SLIT3: variants seen among roughly 807,000 people sequenced by gnomAD.
SLIT3 encodes the protein slit guidance ligand 3.
In SLIT3, 68 loss-of-function variants were observed where a neutral mutation model predicts 184.0. That is an observed-to-expected ratio of 0.37 (90% CI 0.30 to 0.45). The LOEUF (loss-of-function observed/expected upper bound fraction) is 0.45. Among genes scored for constraint, SLIT3 ranks in the 20% least tolerant of loss-of-function variants. SLIT3 has a pLI of 1.00. For synonymous variants in SLIT3, 831 were observed against 828.6 expected (o/e 1.00, Z -0.05); for missense variants, 1,707 against 2,026.0 (o/e 0.84, Z 3.02).
intron 6 of SLIT3, among the ~76,000 whole-genome samples, chr5:168,841,317 G>A (rs2113707493): frequency 6.6e-6 from 1 of 152,350 alleles, no homozygotes; most frequent in South Asian, 2.1e-4. Context: ...AGGATGGCAA[G>A]AGCTAGTGCA....
At chr5:169,141,966 C>T (rs1761758294) in intron 4 of SLIT3, among the ~76,000 whole-genome samples, 1 of 150,964 alleles carries the variant, frequency 6.6e-6, no homozygotes, top group South Asian at 2.1e-4. Context: ...AGGAGAATAG[C>T]GTGAACCTGG....
At chr5:168,846,190 T>C (rs1758458295) in intron 5 of SLIT3, among the ~76,000 whole-genome samples, 1 of 152,218 alleles carries the variant, frequency 6.6e-6, no homozygotes, top group African/African-American at 2.4e-5. Context: ...TAATACATCA[T>C]CTCAATAGAT....
intron 4 of SLIT3, among the ~76,000 whole-genome samples, chr5:169,001,490 C>T (rs1755702118): frequency 6.6e-6 from 1 of 152,006 alleles, no homozygotes. Context: ...TTTTTTTTCC[C>T]TCCTTAAGTG....
chr5:168,952,528 C>CA (rs372134778), intron 4 of SLIT3, among the ~76,000 whole-genome samples: 4,693 of 77,606 alleles, frequency 0.06, 192 homozygotes, highest in African/African-American at 0.085. Context: ...GGGAAAATGC[C>CA]AAAAAAAAAA....
intron 10 of SLIT3, among the ~76,000 whole-genome samples, chr5:168,793,861 C>T (rs569001313): frequency 7.2e-4 from 109 of 152,058 alleles, no homozygotes; most frequent in Middle Eastern, 3.4e-3. Context: ...ATTAATGGCC[C>T]GAGGTTTTAA....
At chr5:168,935,124 C>T (rs1164168069) in intron 4 of SLIT3, among the ~76,000 whole-genome samples, 4 of 119,502 alleles carry the variant, frequency 3.3e-5, no homozygotes, top group Non-Finnish European at 6.6e-5. Context: ...GGTGACAGAG[C>T]AAGACTCCGT....
intron 4 of SLIT3, among the ~76,000 whole-genome samples, chr5:168,952,568 ATTT>A (rs1561570105): frequency 1.1e-5 from 1 of 94,408 alleles, no homozygotes. Context: ...AGGCAAAGGG[ATTT>A]AAAAAAAAAA....
At chr5:169,108,480 G>A (rs1040650565) in intron 4 of SLIT3, among the ~76,000 whole-genome samples, 2 of 152,206 alleles carry the variant, frequency 1.3e-5, no homozygotes, top group African/African-American at 4.8e-5. Flanking sequence ...AAGCTGGGTT[G>A]GAGGAAAGGT....
chr5:168,818,197 T>C (rs1757402608), intron 7 of SLIT3, among the ~76,000 whole-genome samples: 1 of 152,180 alleles, frequency 6.6e-6, no homozygotes, highest in Non-Finnish European at 1.5e-5. Context: ...GTATTTGCTA[T>C]TCTGACTGAT....
intron 9 of SLIT3, among the ~76,000 whole-genome samples, chr5:168,796,283 T>C (rs998070207): frequency 6.6e-6 from 1 of 152,158 alleles, no homozygotes; most frequent in Non-Finnish European, 1.5e-5. Context: ...CAAGAGACGC[T>C]GCAGGCCCAG....
rs373105126 is a variant in SLIT3, at chr5:169,022,753, T to C, written c.414-139417A>G. 6 of 152,206 alleles carry C rather than the reference T, an allele frequency of 3.9e-5. No individual in the cohort carries two copies. The East Asian group carries it at 9.7e-4, about 25-fold the overall frequency. 9.4% of individuals were successfully genotyped at this position (152,206 alleles called of 1,614,324 possible). On this transcript the variant is annotated intron_variant, in intron 4 of 35. Transcript: ENST00000519560. ...CCCCTCATGGTTTTAGATGAAACTC[T>C]GCGTGAGAACAAGTGGTGGCATTGT...
chr5:168,901,738 C>G (rs1581194079), intron 4 of SLIT3, among the ~76,000 whole-genome samples: 2 of 152,112 alleles, frequency 1.3e-5, no homozygotes, highest in Non-Finnish European at 2.9e-5. Context: ...TCTGATCCTC[C>G]CTGTGTGTCT....
intron 3 of SLIT3, among the ~76,000 whole-genome samples, chr5:169,200,674 A>C (rs984947875): frequency 6.6e-6 from 1 of 151,974 alleles, no homozygotes; most frequent in Non-Finnish European, 1.5e-5. Context: ...AAAAACTTGA[A>C]CTCTGGAGAG....
chr5:169,271,455 G>C (rs1200029409), intron 1 of SLIT3, among the ~76,000 whole-genome samples: 1 of 152,170 alleles, frequency 6.6e-6, no homozygotes, highest in East Asian at 1.9e-4. Flanking sequence ...TCTCTTGAAT[G>C]GCTGCAATTT....
At chr5:168,755,389 A>C (rs867448804) in intron 16 of SLIT3, among the ~76,000 whole-genome samples, 10 of 133,770 alleles carry the variant, frequency 7.5e-5, no homozygotes, top group Admixed American at 4.7e-4. Flanking sequence ...CAGTGCCGCC[A>C]TTTCTTTCTT....
intron 1 of SLIT3, among the ~76,000 whole-genome samples, chr5:169,280,526 G>A (rs78219687): frequency 0.015 from 2,218 of 152,300 alleles, 47 homozygotes; most frequent in African/African-American, 0.051. Flanking sequence ...CTTGGACACA[G>A]CCCAAAGAGT....
At chr5:169,009,169 C>T (rs755142536) in intron 4 of SLIT3, among the ~76,000 whole-genome samples, 1 of 152,058 alleles carries the variant, frequency 6.6e-6, no homozygotes, top group Non-Finnish European at 1.5e-5. Context: ...TGCACATGGT[C>T]CTTGAAAGCT....
intron 4 of SLIT3, among the ~76,000 whole-genome samples, chr5:169,000,830 C>G (rs1462207550): frequency 6.6e-6 from 1 of 152,208 alleles, no homozygotes; most frequent in East Asian, 1.9e-4. Context: ...ACCCGACAAC[C>G]TATTCTTGAA....
chr5:169,262,408 G>C (rs529385877), intron 1 of SLIT3, among the ~76,000 whole-genome samples: 1 of 152,256 alleles, frequency 6.6e-6, no homozygotes, highest in East Asian at 1.9e-4. Context: ...AGGAAAAGAA[G>C]GATCCAGTTG....
Sources: gnomAD v4.1 joint callset for allele counts (sites outside exome capture counted in the v4.1 genomes callset) on GRCh38, gnomAD v4.1.1 for gene constraint, MANE v1.5 for transcripts, NCBI Gene and HGNC (gene_info 2026-07-23, HGNC 2026-07-21) for gene names.